CFAP92: variants seen among roughly 807,000 people sequenced by gnomAD.
CFAP92 encodes the protein uncharacterized protein CFAP92.
CFAP92 carries 86 observed loss-of-function variants against 106.3 expected under a neutral mutation model. The observed-to-expected ratio is 0.81, with a 90% CI of 0.68 to 0.97. The LOEUF is 0.97. Ranked by LOEUF, CFAP92 falls within the 50% of genes least tolerant of loss-of-function variation. CFAP92 has a pLI of 0.00. For synonymous variants in CFAP92, 477 were observed against 506.4 expected, an observed-to-expected ratio of 0.94 and a Z score of 0.78; for missense variants, 1,204 against 1,283.8, an observed-to-expected ratio of 0.94 and a Z score of 0.95.
chr3:128,913,480 C>T (rs1394031905), intron 15 of CFAP92, among the ~76,000 whole-genome samples: 2 of 152,172 alleles, frequency 1.3e-5, no homozygotes, highest in African/African-American at 2.4e-5. Flanking sequence ...TGAAAGATTA[C>T]ACCAGGTCCC....
chr3:128,923,000 C>T (rs2107688506), intron 12 of CFAP92, among the ~76,000 whole-genome samples: 2 of 152,374 alleles, frequency 1.3e-5, no homozygotes, highest in Middle Eastern at 3.4e-3. Flanking sequence ...AGTTTTACCC[C>T]ATGGTAATTA....
At chr3:128,910,935 T>C (rs768481933) in intron 15 of CFAP92, 36 of 1,227,474 alleles carry the variant, frequency 2.9e-5, no homozygotes, top group East Asian at 1.2e-4. Flanking sequence ...ACCTCTGCCT[T>C]GAGCGAGGGC....
chr3:128,910,955 C>T (rs1476686528), intron 15 of CFAP92: 1 of 1,036,808 alleles, frequency 9.6e-7, no homozygotes, highest in East Asian at 2.4e-5. Flanking sequence ...CCTGGGTAGG[C>T]CTGGGCTTAG....
intron 7 of CFAP92, among the ~76,000 whole-genome samples, chr3:128,973,581 G>A (rs758139162): frequency 1.3e-5 from 2 of 151,856 alleles, no homozygotes; most frequent in African/African-American, 4.8e-5. Flanking sequence ...GCTTGAACCC[G>A]GGAGATGGAG....
At chr3:129,021,021 C>T in the CFAP92 span, among the ~76,000 whole-genome samples, 1 of 152,208 alleles carries the variant, frequency 6.6e-6, no homozygotes, top group African/African-American at 2.4e-5. Context: ...GGAGCAGTAT[C>T]TCCCCCAGGA....
chr3:128,935,012 T>A, intron 11 of CFAP92, 113 bp downstream of exon 11: 1 of 763,172 alleles, frequency 1.3e-6, no homozygotes, highest in East Asian at 2.7e-5. Context: ...CCACCATCTG[T>A]TGGGGCCACT....
At chr3:128,963,116 C>T (rs955063216) in intron 9 of CFAP92, among the ~76,000 whole-genome samples, 35 of 152,350 alleles carry the variant, frequency 2.3e-4, no homozygotes, top group African/African-American at 8.4e-4. Flanking sequence ...ATTTCGTCCT[C>T]ATCTGTTACC....
Position 128,912,524 on chromosome 3 carries a change from G to A in CFAP92, c.3281-2191C>T, listed in dbSNP as rs751683741. On this transcript the variant is annotated intron_variant, in intron 15 of 15. Transcript: ENST00000645291. ...CTTCCCAGATGCTCCAGAAAACCTA[G>A]ATGAGCAGATTAAGAAAGTGTCCCA... is the stretch of plus-strand genomic sequence containing the variant. 4 of 1,613,542 alleles carry A rather than the reference G, an allele frequency of 2.5e-6. No homozygotes were observed. The Admixed American group carries it at 6.7e-5, about 27-fold the overall frequency.
At chr3:128,993,498 A>G in intron 1 of CFAP92, 162 bp from the exon 2 acceptor site, 1 of 659,946 alleles carries the variant, frequency 1.5e-6, no homozygotes. Context: ...CACAGTCGGT[A>G]CTCAATCGAC....
intron 9 of CFAP92, among the ~76,000 whole-genome samples, chr3:128,949,936 C>T (rs147806510): frequency 0.042 from 6,386 of 152,246 alleles, 360 homozygotes; most frequent in African/African-American, 0.13. Context: ...GATCCACCTG[C>T]CTCAGCCTCC....
intron 9 of CFAP92, among the ~76,000 whole-genome samples, chr3:128,948,609 AACC>A: frequency 6.7e-6 from 1 of 150,050 alleles, no homozygotes; most frequent in South Asian, 2.1e-4. Flanking sequence ...AGCTCACTGC[AACC>A]ACCACCTCCC....
chr3:128,918,852 G>A (rs1041867462), intron 12 of CFAP92, among the ~76,000 whole-genome samples: 17 of 151,910 alleles, frequency 1.1e-4, no homozygotes, highest in South Asian at 4.1e-4. Flanking sequence ...ACACAGGAAC[G>A]GAGGGTTTAA....
At chr3:129,000,770 A>G (rs544872337) in intron 1 of CFAP92, among the ~76,000 whole-genome samples, 1 of 152,344 alleles carries the variant, frequency 6.6e-6, no homozygotes, top group East Asian at 1.9e-4. Flanking sequence ...CAGCACCGGC[A>G]GGCACAAAGG....
chr3:128,974,148 C>G (rs1419957889), intron 7 of CFAP92, among the ~76,000 whole-genome samples: 1 of 152,154 alleles, frequency 6.6e-6, no homozygotes, highest in Non-Finnish European at 1.5e-5. Context: ...TCTCCAGCAC[C>G]CAGCAGAGAG....
At chr3:128,923,193 C>T (rs1411808789) in intron 12 of CFAP92, among the ~76,000 whole-genome samples, 5 of 152,296 alleles carry the variant, frequency 3.3e-5, no homozygotes, top group East Asian at 1.9e-4. Context: ...AAGATGTGTA[C>T]GACCATGGAA....
chr3:128,958,464 A>G (rs1272113248), intron 9 of CFAP92, among the ~76,000 whole-genome samples: 1 of 152,254 alleles, frequency 6.6e-6, no homozygotes, highest in Non-Finnish European at 1.5e-5. Context: ...TGCTATAGTT[A>G]TGAAACACCT....
At chr3:129,022,409 G>A in the CFAP92 span, among the ~76,000 whole-genome samples, 1 of 152,222 alleles carries the variant, frequency 6.6e-6, no homozygotes, top group African/African-American at 2.4e-5. Flanking sequence ...AGAACTGAAG[G>A]AGGGGTCTGT....
upstream of CFAP92, among the ~76,000 whole-genome samples, chr3:128,994,543 T>C (rs1351024201): frequency 1.3e-5 from 2 of 152,192 alleles, no homozygotes; most frequent in Admixed American, 6.5e-5. Flanking sequence ...GATTCTCTGC[T>C]TCTGTCGCTG....
chr3:128,962,477 C>T (rs1942011069), intron 9 of CFAP92, among the ~76,000 whole-genome samples: 1 of 152,088 alleles, frequency 6.6e-6, no homozygotes, highest in African/African-American at 2.4e-5. Context: ...GATATTTTAA[C>T]CAAATTATCT....
Sources: allele counts gnomAD v4.1 joint callset (sites outside exome capture counted in the v4.1 genomes callset), GRCh38; gene constraint gnomAD v4.1.1; transcripts MANE v1.5; gene names NCBI Gene and HGNC (gene_info 2026-07-23, HGNC 2026-07-21).